Variants in ZMYM2 observed in about 807,000 individuals in gnomAD.
ZMYM2 encodes the protein zinc finger MYM-type containing 2.
A neutral mutation model predicts 162.8 loss-of-function variants in ZMYM2; 56 were observed. That is an observed-to-expected ratio of 0.34 (90% CI 0.28 to 0.43). The LOEUF is 0.43. Among genes scored for constraint, ZMYM2 ranks in the 20% least tolerant of loss-of-function variants. ZMYM2 has a pLI of 1.00. For missense variants in ZMYM2, 1,275 were observed against 1,621.8 expected (o/e 0.79, Z 3.67); for synonymous variants, 510 against 541.6 (o/e 0.94, Z 0.81).
upstream of ZMYM2, among the ~76,000 whole-genome samples, chr13:19,954,092 C>CTGATCTAAAA (rs1220769935): frequency 1.5e-5 from 2 of 130,834 alleles, no homozygotes; most frequent in Non-Finnish European, 3.2e-5. Flanking sequence ...TTATAAGCCA[C>CTGATCTAAAA]TGATCTAAAA....
chr13:20,074,569 T>TAA (rs1344188658), intron 21 of ZMYM2, among the ~76,000 whole-genome samples: 1 of 146,734 alleles, frequency 6.8e-6, no homozygotes, highest in Non-Finnish European at 1.5e-5. Flanking sequence ...GACGGAGTCT[T>TAA]ACTCTGTCGC....
At chr13:19,905,339 C>A in the ZMYM2 span, among the ~76,000 whole-genome samples, 2 of 151,994 alleles carry the variant, frequency 1.3e-5, no homozygotes, top group South Asian at 2.1e-4. Flanking sequence ...TGATGCTTTG[C>A]CATTGGGAGC....
intron 4 of ZMYM2, among the ~76,000 whole-genome samples, chr13:20,003,495 G>C (rs762447504): frequency 2.0e-5 from 3 of 151,930 alleles, no homozygotes; most frequent in African/African-American, 7.2e-5. Context: ...TATAAAATTG[G>C]CAAGTCTTTG....
chr13:19,865,383 A>G, the ZMYM2 span, among the ~76,000 whole-genome samples: 1 of 152,248 alleles, frequency 6.6e-6, no homozygotes, highest in Admixed American at 6.5e-5. Flanking sequence ...AAGCATGTTC[A>G]CGGATTGATG....
the ZMYM2 span, among the ~76,000 whole-genome samples, chr13:19,936,578 C>A: frequency 2.0e-5 from 3 of 151,852 alleles, no homozygotes; most frequent in African/African-American, 7.3e-5. Context: ...AAAAATTAGC[C>A]GGGCCTGGTG....
chr13:19,940,260 A>G, the ZMYM2 span, among the ~76,000 whole-genome samples: 1 of 152,214 alleles, frequency 6.6e-6, no homozygotes, highest in Admixed American at 6.5e-5. Context: ...GGTGAGCCAG[A>G]ATATGGGGCT....
At chr13:20,009,334 A>T (rs1374866299) in intron 6 of ZMYM2, among the ~76,000 whole-genome samples, 1 of 152,206 alleles carries the variant, frequency 6.6e-6, no homozygotes, top group Non-Finnish European at 1.5e-5. Flanking sequence ...TAAACAAGAA[A>T]ATCTCAGTGC....
chr13:20,007,243 C>G (rs188772695), intron 6 of ZMYM2, among the ~76,000 whole-genome samples: 1,998 of 152,124 alleles, frequency 0.013, 34 homozygotes, highest in African/African-American at 0.044. Flanking sequence ...TCAAGTGATT[C>G]TCCTGCCTCA....
chr13:19,887,156 T>C, the ZMYM2 span, among the ~76,000 whole-genome samples: 3 of 151,948 alleles, frequency 2.0e-5, no homozygotes, highest in Non-Finnish European at 2.9e-5. Flanking sequence ...CATCAGATTG[T>C]CTTTCTTTTC....
At chr13:19,930,952 A>C in the ZMYM2 span, among the ~76,000 whole-genome samples, 1 of 150,684 alleles carries the variant, frequency 6.6e-6, no homozygotes, top group Non-Finnish European at 1.5e-5. Flanking sequence ...ATCCTGGCTA[A>C]TATGGTGAAA....
At chr13:20,004,192 G>A (rs1041246827) in intron 4 of ZMYM2, among the ~76,000 whole-genome samples, 2 of 152,188 alleles carry the variant, frequency 1.3e-5, no homozygotes, top group African/African-American at 4.8e-5. Context: ...ATACTACAGT[G>A]TAGGATCTTG....
In ZMYM2 at chr13:20,050,081, G is replaced by A. The variant is rs1955178965; in HGVS notation, c.2293-1352G>A. Reference sequence around the variant, plus strand: ...TGATATTAAGTGCTATTGTTACTGAGATGATCACATAATACTATCAGCAGT... The same window carrying A: ...TGATATTAAGTGCTATTGTTACTGAAATGATCACATAATACTATCAGCAGT... On this transcript the variant is annotated intron_variant, in intron 12 of 24. Transcript: ENST00000610343. 2.0e-5 allele frequency among the ~76,000 whole-genome samples: 3 copies of A among 151,926 alleles called. 1 individual carries two copies. Among genetic ancestry groups the A allele is most frequent in the Non-Finnish European group, 4.4e-5 (3 of 67,844 alleles).
chr13:19,919,155 A>G, the ZMYM2 span, among the ~76,000 whole-genome samples: 3 of 150,332 alleles, frequency 2.0e-5, no homozygotes, highest in African/African-American at 4.9e-5. Flanking sequence ...TTCACTTAGC[A>G]TATGCCTTTG....
chr13:19,993,084 T>C lies in ZMYM2; in HGVS notation c.12T>C (p.Ser4=), dbSNP rs1178830374. 1 of 1,601,802 alleles carries C rather than the reference T, an allele frequency of 6.2e-7. No individual in the cohort carries two copies. The change falls in exon 3 of 25, where the codon AGT becomes AGC. Residue 4 remains serine, a synonymous_variant. Transcript: ENST00000610343. The part of the protein sequence containing the change: MDT[S]SVGGLELTDQ... ...ACAGGTTCTTTGGCATGGACACAAG[T>C]TCAGTGGGAGGATTAGAATTGACTG...
chr13:20,084,837 C>T (rs1958150821), intron 24 of ZMYM2, among the ~76,000 whole-genome samples: 1 of 152,190 alleles, frequency 6.6e-6, no homozygotes, highest in African/African-American at 2.4e-5. Context: ...TTATAAATCA[C>T]AGGTCCCCAG....
the ZMYM2 span, among the ~76,000 whole-genome samples, chr13:19,888,844 C>T: frequency 2.0e-5 from 3 of 151,744 alleles, no homozygotes; most frequent in Non-Finnish European, 2.9e-5. Context: ...AGTGATCCAC[C>T]CGCCACGGCC....
At chr13:19,959,320 C>T (rs1954908600) in intron 1 of ZMYM2, among the ~76,000 whole-genome samples, 1 of 152,080 alleles carries the variant, frequency 6.6e-6, no homozygotes, top group Admixed American at 6.5e-5. Flanking sequence ...ACCCTGTCCA[C>T]CGGAGCCGAG....
At chr13:19,934,869 C>T in the ZMYM2 span, among the ~76,000 whole-genome samples, 37 of 151,458 alleles carry the variant, frequency 2.4e-4, 1 homozygote, top group East Asian at 1.4e-3. Flanking sequence ...CAGGTTCAAG[C>T]GATTCTCCTG....
At chr13:20,068,527 T>C (rs939863837) in intron 21 of ZMYM2, among the ~76,000 whole-genome samples, 1 of 152,156 alleles carries the variant, frequency 6.6e-6, no homozygotes, top group African/African-American at 2.4e-5. Context: ...CTGTTTCCCC[T>C]GTAAAATCCA....
Sources: allele counts gnomAD v4.1 joint callset (sites outside exome capture counted in the v4.1 genomes callset), GRCh38; gene constraint gnomAD v4.1.1; transcripts MANE v1.5; gene names NCBI Gene and HGNC (gene_info 2026-07-23, HGNC 2026-07-21).